Variants in CLMP observed in about 807,000 individuals in gnomAD.
CLMP encodes CXADR-like membrane protein.
A neutral mutation model predicts 45.2 loss-of-function variants in CLMP; 27 were observed. The ratio of observed to expected loss-of-function variants is 0.60; its 90% CI spans 0.44 to 0.82. The LOEUF is 0.82. CLMP is among the 40% of genes least tolerant of loss of function. The pLI, the probability that CLMP is intolerant of heterozygous loss-of-function variation, is 0.00. For missense variants in CLMP, 403 were observed against 448.4 expected (o/e 0.90, Z 0.91); for synonymous variants, 167 against 171.4 (o/e 0.97, Z 0.20).
chr11:123,143,807 G>C (rs895187538), intron 1 of CLMP, among the ~76,000 whole-genome samples: 1 of 142,354 alleles, frequency 7.0e-6, no homozygotes, highest in African/African-American at 2.7e-5. Context: ...CTATAGTCTT[G>C]TGAGATTTTT....
At position 123,177,550 on chromosome 11, in the gene CLMP, A is replaced by G. The variant is rs114669983; in HGVS notation, c.28+17363T>C. 9.5e-3 allele frequency among the ~76,000 whole-genome samples: 1,443 copies of G among 152,320 alleles called. 16 individuals are homozygous for G. Among genetic ancestry groups the G allele is most frequent in the African/African-American group, 0.028 (1,181 of 41,568 alleles). On this transcript the variant is annotated intron_variant, in intron 1 of 6. Coordinates refer to ENST00000448775, the MANE Select transcript of CLMP (RefSeq NM_024769.5). The stretch of plus-strand genomic sequence containing the variant: ...GAAGAAGCCAAACAGGGCTGTAAAC[A>G]TGGATTCTGGGCCTCAAGATCAAAA...
Position 123,073,537 on chromosome 11 carries a change from C to T in CLMP, c.1059G>A (p.Leu353=). 6.2e-7 allele frequency: 1 copy of T among 1,614,158 alleles called. No individual in the cohort carries two copies. The highest frequency in any genetic ancestry group is 1.1e-5 in the South Asian group (1 of 91,076). ...TGCTGGGTGTGGTTTCTGCTTTGGTCAGATTAGCATGGTGGACTTTCTTTG... is the reference window on the plus strand; with the variant it reads ...TGCTGGGTGTGGTTTCTGCTTTGGTTAGATTAGCATGGTGGACTTTCTTTG... ...SEPKKVHHAN[L]TKAETTPSMI... Residue 353 remains leucine (L), a synonymous_variant, in exon 7 of 7, where the codon CTG becomes CTA. Coordinates refer to ENST00000448775, the MANE Select transcript of CLMP (RefSeq NM_024769.5).
chr11:123,165,228 C>A (rs12802926), intron 1 of CLMP, among the ~76,000 whole-genome samples: 35,117 of 152,082 alleles, frequency 0.23, 5,900 homozygotes, highest in African/African-American at 0.48. Context: ...GTTCCAAACA[C>A]GTAGCTAACC....
chr11:123,177,426 A>G (rs11219047), intron 1 of CLMP, among the ~76,000 whole-genome samples: 1 of 152,060 alleles, frequency 6.6e-6, no homozygotes, highest in Non-Finnish European at 1.5e-5. Context: ...CCTCAGCTGG[A>G]GGACCAACAC....
chr11:123,078,697 T>G (rs1005707103), intron 5 of CLMP, among the ~76,000 whole-genome samples: 1 of 148,626 alleles, frequency 6.7e-6, no homozygotes, highest in East Asian at 2.0e-4. Context: ...TAGGCTGGAG[T>G]GCAGTGGCGG....
chr11:123,125,140 C>T (rs1224952031), intron 1 of CLMP, among the ~76,000 whole-genome samples: 3 of 152,124 alleles, frequency 2.0e-5, no homozygotes, highest in East Asian at 1.9e-4. Flanking sequence ...TCAGGCAATC[C>T]GCCTGCCTCG....
chr11:123,189,538 T>C (rs984983171), intron 1 of CLMP, among the ~76,000 whole-genome samples: 1 of 152,208 alleles, frequency 6.6e-6, no homozygotes. Context: ...AAATTAATTA[T>C]ACTGTCATAA....
intron 1 of CLMP, among the ~76,000 whole-genome samples, chr11:123,152,385 T>C (rs1257172774): frequency 6.6e-6 from 1 of 151,902 alleles, no homozygotes; most frequent in Non-Finnish European, 1.5e-5. Flanking sequence ...TAGCTGGGCA[T>C]GTTGGTGGGC....
intron 1 of CLMP, among the ~76,000 whole-genome samples, chr11:123,129,597 T>C (rs1565391422): frequency 7.1e-6 from 1 of 141,170 alleles, no homozygotes; most frequent in Non-Finnish European, 1.5e-5. Flanking sequence ...AATTATATAG[T>C]ATATAATATA....
At chr11:123,137,141 CTTTTTCTTTTTTTTT>C (rs1861085213) in intron 1 of CLMP, among the ~76,000 whole-genome samples, 1 of 108,940 alleles carries the variant, frequency 9.2e-6, no homozygotes, top group South Asian at 2.9e-4. Flanking sequence ...CTCTTTTTTT[CTTTTTCTTTTTTTTT>C]TTTTTTTTTT....
intron 1 of CLMP, among the ~76,000 whole-genome samples, chr11:123,177,825 CA>C (rs1346199423): frequency 1.3e-5 from 2 of 151,978 alleles, no homozygotes; most frequent in African/African-American, 4.8e-5. Flanking sequence ...AATTATATCC[CA>C]AAAAATCTTG....
intron 5 of CLMP, among the ~76,000 whole-genome samples, chr11:123,075,400 G>GTTTT (rs1865726565): frequency 6.7e-6 from 1 of 148,792 alleles, no homozygotes; most frequent in East Asian, 2.0e-4. Flanking sequence ...TTGTTTGTTT[G>GTTTT]TTTTGAGAGG....
intron 2 of CLMP, among the ~76,000 whole-genome samples, chr11:123,087,604 C>T (rs187421307): frequency 8.2e-4 from 124 of 151,972 alleles, no homozygotes; most frequent in African/African-American, 2.6e-3. Flanking sequence ...GGGTGGATCA[C>T]GAGGTCAAGA....
chr11:123,157,342 G>T (rs1861428113), intron 1 of CLMP, among the ~76,000 whole-genome samples: 3 of 152,052 alleles, frequency 2.0e-5, no homozygotes, highest in African/African-American at 7.2e-5. Context: ...ATCACTTGAG[G>T]TCAGGAATTC....
intron 1 of CLMP, among the ~76,000 whole-genome samples, chr11:123,185,808 G>A (rs984974613): frequency 1.3e-5 from 2 of 152,166 alleles, no homozygotes; most frequent in Non-Finnish European, 2.9e-5. Flanking sequence ...CAGGTCAGTG[G>A]GAAGAAAAAA....
At chr11:123,193,886 G>A (rs796950815) in intron 1 of CLMP, among the ~76,000 whole-genome samples, 53 of 152,238 alleles carry the variant, frequency 3.5e-4, no homozygotes, top group African/African-American at 1.2e-3. Flanking sequence ...CAGCTCTCCC[G>A]TGGCCTGGTG....
intron 1 of CLMP, among the ~76,000 whole-genome samples, chr11:123,111,911 C>CA (rs199648146): frequency 0.089 from 13,493 of 152,006 alleles, 974 homozygotes; most frequent in African/African-American, 0.2. Context: ...TGTCTAAGAC[C>CA]AAAAAAGACT....
rs1307969236 is a variant in CLMP, at chr11:123,098,095, A to G, written c.29-143T>C. On this transcript the variant is annotated intron_variant, in intron 1 of 6. Transcript: ENST00000448775. ...GCAAGAGTCCTAGACCAGGTGTACT[A>G]GAAGTCCTGGTCTCACACTGGCTCC... 8.0e-5 allele frequency: 43 copies of G among 540,656 alleles called. No individual in the cohort carries two copies. The Admixed American group carries it at 1.5e-3, about 19-fold the overall frequency. 33.5% of individuals were successfully genotyped at this position (540,656 alleles called of 1,614,324 possible).
At chr11:123,159,344 G>A (rs771832641) in intron 1 of CLMP, among the ~76,000 whole-genome samples, 72 of 152,176 alleles carry the variant, frequency 4.7e-4, no homozygotes, top group African/African-American at 7.5e-4. Flanking sequence ...CGCTTGGCCC[G>A]GCGATGGGGC....
Sources: gnomAD v4.1 joint callset for allele counts (sites outside exome capture counted in the v4.1 genomes callset) on GRCh38, gnomAD v4.1.1 for gene constraint, MANE v1.5 for transcripts, NCBI Gene and HGNC (gene_info 2026-07-23, HGNC 2026-07-21) for gene names.